Variants in LRR1 observed in about 807,000 individuals in gnomAD.
LRR1 encodes leucine-rich repeat protein 1.
A neutral mutation model predicts 31.6 loss-of-function variants in LRR1; 29 were observed. That is an observed-to-expected ratio of 0.92 (90% confidence interval 0.68 to 1.25). The LOEUF (loss-of-function observed/expected upper bound fraction) is 1.25, where lower values mean the gene tolerates loss of function less well. Among genes scored for constraint, LRR1 ranks in the 50% most tolerant of loss-of-function variants. The pLI is 0.00. For synonymous variants in LRR1, 179 were observed against 181.4 expected, an observed-to-expected ratio of 0.99 and a Z score of 0.10; for missense variants, 485 against 487.2, an observed-to-expected ratio of 1.00 and a Z score of 0.04.
At chr14:49,599,961 G>A (rs1233782908) in intron 1 of LRR1, 4 of 1,545,854 alleles carry the variant, frequency 2.6e-6, no homozygotes, top group East Asian at 2.3e-5. Context: ...GCTCCGGGGG[G>A]ACCATGCCCG....
Position 49,614,544 on chromosome 14 carries a change from G to A in LRR1, c.*48G>A. 6.2e-7 allele frequency: 1 copy of A among 1,610,550 alleles called. No individual in the cohort carries two copies. Among genetic ancestry groups the A allele is most frequent in the Non-Finnish European group, 8.5e-7 (1 of 1,179,006 alleles). On this transcript the variant is annotated 3_prime_UTR_variant, in exon 4 of 4. Coordinates refer to ENST00000298288, the MANE Select transcript of LRR1 (RefSeq NM_152329.4). ...TTTCAATAACAGATCAGTTTGGGGT[G>A]CATGTATGATTTTGCAGCGTCAAAT... is the stretch of plus-strand genomic sequence containing the variant.
At chr14:49,606,767 C>A (rs1286819901) in intron 2 of LRR1, among the ~76,000 whole-genome samples, 1 of 151,838 alleles carries the variant, frequency 6.6e-6, no homozygotes, top group Non-Finnish European at 1.5e-5. Flanking sequence ...AGCGATTCTC[C>A]TTGCTCAGCC....
At chr14:49,602,022 A>G (rs1882076975) in intron 1 of LRR1, among the ~76,000 whole-genome samples, 1 of 151,098 alleles carries the variant, frequency 6.6e-6, no homozygotes, top group Non-Finnish European at 1.5e-5. Context: ...AATCCGAGCT[A>G]CTCAGGAGGC....
chr14:49,599,444 A>G (rs1881950555), intron 1 of LRR1, among the ~76,000 whole-genome samples: 1 of 152,132 alleles, frequency 6.6e-6, no homozygotes, highest in South Asian at 2.1e-4. Flanking sequence ...CCCCACTTTT[A>G]CGACTTTGAA....
intron 3 of LRR1, 87 bp downstream of exon 3, chr14:49,608,208 CT>C: frequency 7.5e-7 from 1 of 1,333,782 alleles, no homozygotes; most frequent in East Asian, 2.4e-5. Context: ...TCTAACATTG[CT>C]TACAGTGCTA....
rs368394503 is a variant in LRR1, at chr14:49,614,315, A to G, written c.1064A>G (p.Lys355Arg). 99 of 1,613,830 alleles carry G rather than the reference A, an allele frequency of 6.1e-5. No individual in the cohort carries two copies. Among genetic ancestry groups the G allele is most frequent in the Admixed American group, 8.3e-5 (5 of 59,998 alleles). The change falls in exon 4 of 4, where the codon AAA becomes AGA. Residue 355 changes from lysine (K) to arginine (R), a missense_variant. Lys to Arg is a conservative substitution (Grantham distance 26). Transcript: ENST00000298288. ...CTCTGCCAAGATTTGGATACCGCAA[A>G]AATTTGTGTTTGTGGAAGATTCTGT... ...FHLCQDLDTA[K>R]ICVCGRFCLN...
At chr14:49,605,587 T>C (rs1483184565) in intron 2 of LRR1, among the ~76,000 whole-genome samples, 2 of 152,216 alleles carry the variant, frequency 1.3e-5, no homozygotes, top group African/African-American at 4.8e-5. Context: ...CTTTTCTTAA[T>C]AAAACTCTTT....
Position 49,614,335 on chromosome 14 carries a change from TTC to T in LRR1, c.1086_1087del (p.Phe362LeufsTer26), listed in dbSNP as rs1225072411. 6.2e-7 allele frequency: 1 copy of T among 1,613,904 alleles called. No individual in the cohort carries two copies. The highest frequency in any genetic ancestry group is 1.7e-5 in the Admixed American group (1 of 59,998). On this transcript the variant is annotated frameshift_variant, in exon 4 of 4. Coordinates refer to ENST00000298288, the MANE Select transcript of LRR1 (RefSeq NM_152329.4). LOFTEE classifies it high-confidence loss of function. ...DTAKICVCGR[F>X]CLNSFIQGTT... ...CGCAAAAATTTGTGTTTGTGGAAGA[TTC>T]TGTCTGAACTCTTTCATTCAAGGAA... is the stretch of plus-strand genomic sequence containing the variant.
intron 3 of LRR1, among the ~76,000 whole-genome samples, chr14:49,610,587 G>A (rs1205195499): frequency 6.7e-6 from 1 of 150,024 alleles, no homozygotes; most frequent in East Asian, 2.0e-4. Context: ...TTTTGAGACA[G>A]TCTCTTTCAC....
chr14:49,600,014 G>A (rs1881987515), intron 1 of LRR1: 4 of 1,608,618 alleles, frequency 2.5e-6, no homozygotes, highest in Non-Finnish European at 2.5e-6. Flanking sequence ...GGCCCGGCGC[G>A]CTGATGCTCA....
At position 49,611,061 on chromosome 14, in the gene LRR1, C is replaced by A. The variant is rs1017033220; in HGVS notation, c.1004+2940C>A. ...TACACAGAATTTTGCATAAAAGGAACCTGGCTCCCACTGAAACCCAGTCCA... is the reference window on the plus strand; with the variant it reads ...TACACAGAATTTTGCATAAAAGGAAACTGGCTCCCACTGAAACCCAGTCCA... On this transcript the variant is annotated intron_variant, in intron 3 of 3. Transcript: ENST00000298288. Among the ~76,000 whole-genome samples, 3 of 152,140 alleles carry A rather than the reference C, an allele frequency of 2.0e-5. No individual in the cohort carries two copies. The South Asian group carries it at 6.2e-4, about 31-fold the overall frequency.
intron 3 of LRR1, among the ~76,000 whole-genome samples, chr14:49,609,230 T>TTTTTTTTTTTG: frequency 9.6e-6 from 1 of 104,376 alleles, no homozygotes; most frequent in African/African-American, 3.8e-5. Flanking sequence ...TTTTTTTTTT[T>TTTTTTTTTTTG]TTTTTTTTTT....
At chr14:49,608,405 G>GTTTTT (rs1882371530) in intron 3 of LRR1, among the ~76,000 whole-genome samples, 1 of 8,708 alleles carries the variant, frequency 1.1e-4, no homozygotes, top group Non-Finnish European at 2.2e-4. Context: ...TACATTGCTT[G>GTTTTT]ATTTTTTTTT....
At position 49,599,042 on chromosome 14, in the gene LRR1, G is replaced by A; in HGVS notation, c.22G>A (p.Glu8Lys). MKLHCEV[E>K]VISRHLPALG... ...CGAGATGAAGCTACACTGTGAGGTG[G>A]AGGTGATCAGCCGGCACTTGCCCGC... is the stretch of plus-strand genomic sequence containing the variant. Residue 8 changes from glutamate (E) to lysine (K), a missense_variant, in exon 1 of 4, where the codon GAG becomes AAG. By Grantham distance (56) the Glu-to-Lys change is moderately conservative (BLOSUM62 1). Coordinates refer to ENST00000298288, the MANE Select transcript of LRR1 (RefSeq NM_152329.4). 3 of 1,609,586 alleles carry A rather than the reference G, an allele frequency of 1.9e-6. No individual in the cohort carries two copies. Among genetic ancestry groups the A allele is most frequent in the Non-Finnish European group, 2.5e-6 (3 of 1,178,078 alleles).
At chr14:49,601,499 A>C (rs1273103652) in intron 1 of LRR1, 1 of 676,732 alleles carries the variant, frequency 1.5e-6, no homozygotes, top group Non-Finnish European at 2.3e-6. Flanking sequence ...GATAATCATT[A>C]AATTTTTTTT....
intron 3 of LRR1, among the ~76,000 whole-genome samples, chr14:49,611,401 G>C (rs1264898834): frequency 6.6e-6 from 1 of 152,138 alleles, no homozygotes; most frequent in Non-Finnish European, 1.5e-5. Context: ...CTTGAACCCA[G>C]GAGGCAGAGG....
At chr14:49,603,539 T>G (rs1169410762) in intron 2 of LRR1, 1 of 275,070 alleles carries the variant, frequency 3.6e-6, no homozygotes, top group Non-Finnish European at 6.3e-6. Context: ...TTTTTTTTTT[T>G]TTTTTTTTTG....
intron 3 of LRR1, among the ~76,000 whole-genome samples, chr14:49,612,845 G>T (rs1027356117): frequency 6.6e-5 from 10 of 152,138 alleles, no homozygotes; most frequent in African/African-American, 2.4e-4. Flanking sequence ...TAGCGGGGAG[G>T]TTTGGGCAGT....
At chr14:49,600,406 T>A in intron 1 of LRR1, 2 of 1,602,206 alleles carry the variant, frequency 1.2e-6, no homozygotes, top group Non-Finnish European at 1.7e-6. Context: ...CTGAGTGATA[T>A]GAAAGAAAAA....
Sources: allele counts gnomAD v4.1 joint callset (sites outside exome capture counted in the v4.1 genomes callset), GRCh38; gene constraint gnomAD v4.1.1; transcripts MANE v1.5; gene names NCBI Gene and HGNC (gene_info 2026-07-23, HGNC 2026-07-21).